KLHL32: variants seen among roughly 807,000 people sequenced by gnomAD.
KLHL32 encodes the protein kelch-like protein 32.
A neutral mutation model predicts 64.8 loss-of-function variants in KLHL32; 35 were observed. The observed-to-expected ratio is 0.54, with a 90% CI of 0.41 to 0.72. KLHL32 has a LOEUF of 0.72. KLHL32 is among the 30% of genes least tolerant of loss of function. KLHL32 has a pLI of 0.00. For missense variants in KLHL32, 589 were observed against 768.5 expected (o/e 0.77, Z 2.76); for synonymous variants, 259 against 281.0 (o/e 0.92, Z 0.78).
chr6:97,095,050 G>T (rs943648535), intron 6 of KLHL32, among the ~76,000 whole-genome samples: 20 of 152,114 alleles, frequency 1.3e-4, no homozygotes, highest in African/African-American at 4.3e-4. Context: ...CTTTTAATTT[G>T]TAATTCTACG....
chr6:96,991,113 G>C (rs1777820246), intron 3 of KLHL32, among the ~76,000 whole-genome samples: 1 of 151,812 alleles, frequency 6.6e-6, no homozygotes, highest in African/African-American at 2.4e-5. Context: ...GGCGGTTTTG[G>C]TGCTGGGAGT....
At chr6:96,911,824 C>CTTTTTTTTTTTTTTTTTTTTTTTTTTT in the KLHL32 span, among the ~76,000 whole-genome samples, 11 of 54,088 alleles carry the variant, frequency 2.0e-4, 4 homozygotes, top group Admixed American at 5.6e-4. Flanking sequence ...CTCGGTCCTT[C>CTTTTTTTTTTTTTTTTTTTTTTTTTTT]TTTTTTTTTT....
intron 1 of KLHL32, among the ~76,000 whole-genome samples, chr6:96,926,253 A>T (rs1348413123): frequency 6.6e-6 from 1 of 152,240 alleles, no homozygotes; most frequent in Non-Finnish European, 1.5e-5. Context: ...TGACCCAAGG[A>T]AATAAGTCAA....
chr6:96,985,455 C>A (rs1380343528), intron 3 of KLHL32, among the ~76,000 whole-genome samples: 4 of 152,158 alleles, frequency 2.6e-5, no homozygotes, highest in African/African-American at 7.2e-5. Context: ...TAGATCATAT[C>A]CTGCAGAGTG....
rs1772409540 is a variant in KLHL32, at chr6:96,950,232, A to G, written c.-65-16764A>G. Among the ~76,000 whole-genome samples, 3 of 143,068 alleles carry G rather than the reference A, an allele frequency of 2.1e-5. No homozygotes were observed. In the South Asian group the frequency reaches 6.3e-4, roughly 30 times the overall value. The allele number at this position is 143,068 out of a possible 152,430, so 93.9% of individuals were successfully genotyped here. A position where few individuals can be genotyped will look rare whatever the true frequency, so the allele number is the denominator to read the frequency against. On this transcript the variant is annotated intron_variant, in intron 1 of 10. Coordinates refer to ENST00000369261, the MANE Select transcript of KLHL32 (RefSeq NM_052904.4). ...GTCTGAAATTTCTACATTTGTGTTA[A>G]AAAAAAAAACCATTAGCTCTCTAAA...
chr6:97,065,079 A>G (rs1380337416), intron 5 of KLHL32, among the ~76,000 whole-genome samples: 6 of 152,198 alleles, frequency 3.9e-5, no homozygotes, highest in Non-Finnish European at 5.9e-5. Flanking sequence ...TTATGGAAAT[A>G]ATCACAAATG....
chr6:97,041,439 G>T, intron 3 of KLHL32, 53 bp from the exon 4 acceptor site: 3 of 1,193,728 alleles, frequency 2.5e-6, no homozygotes, highest in African/African-American at 1.5e-5. Context: ...ATTTTGTCTT[G>T]CTCCCTTGCT....
chr6:96,987,507 C>A (rs934428812), intron 3 of KLHL32, among the ~76,000 whole-genome samples: 4 of 152,258 alleles, frequency 2.6e-5, no homozygotes, highest in South Asian at 2.1e-4. Flanking sequence ...GAATCAATAT[C>A]ATGAAAATGG....
intron 6 of KLHL32, among the ~76,000 whole-genome samples, chr6:97,100,633 C>T (rs964832113): frequency 1.3e-5 from 2 of 152,096 alleles, no homozygotes; most frequent in Non-Finnish European, 2.9e-5. Context: ...GACATCTAAA[C>T]TCATCATAGT....
chr6:97,058,974 C>G (rs1788448256), intron 4 of KLHL32, among the ~76,000 whole-genome samples: 1 of 152,224 alleles, frequency 6.6e-6, no homozygotes, highest in Non-Finnish European at 1.5e-5. Context: ...AGGTAGACAT[C>G]ATTATTTTCA....
chr6:96,966,002 A>G (rs1774414741), intron 1 of KLHL32, among the ~76,000 whole-genome samples: 1 of 152,240 alleles, frequency 6.6e-6, no homozygotes, highest in African/African-American at 2.4e-5. Flanking sequence ...ATACCAATTG[A>G]GGGTTTGTAC....
intron 3 of KLHL32, among the ~76,000 whole-genome samples, chr6:97,031,707 A>G (rs980209389): frequency 6.6e-6 from 1 of 152,156 alleles, no homozygotes; most frequent in African/African-American, 2.4e-5. Flanking sequence ...AGTGGTGGTG[A>G]TGATTTTTAT....
At chr6:97,018,795 AC>A (rs1427585487) in intron 3 of KLHL32, among the ~76,000 whole-genome samples, 1 of 152,230 alleles carries the variant, frequency 6.6e-6, no homozygotes, top group Non-Finnish European at 1.5e-5. Context: ...CTATCAGATG[AC>A]AGTTATGAAC....
At chr6:97,103,013 T>A (rs1222839397) in intron 6 of KLHL32, among the ~76,000 whole-genome samples, 1 of 151,634 alleles carries the variant, frequency 6.6e-6, no homozygotes, top group Non-Finnish European at 1.5e-5. Flanking sequence ...CATGAAGGTA[T>A]ATTTACCTCT....
chr6:97,063,784 A>G (rs142567696), intron 4 of KLHL32, among the ~76,000 whole-genome samples: 1 of 152,318 alleles, frequency 6.6e-6, no homozygotes, highest in East Asian at 1.9e-4. Context: ...CAGAGACCAG[A>G]TTCAGGAAGC....
intron 1 of KLHL32, among the ~76,000 whole-genome samples, chr6:96,952,814 T>A (rs546161820): frequency 6.6e-6 from 1 of 152,312 alleles, no homozygotes; most frequent in South Asian, 2.1e-4. Flanking sequence ...GGTTGGTCTT[T>A]TGAGATGTTT....
At chr6:97,069,195 A>C (rs73502885) in intron 5 of KLHL32, among the ~76,000 whole-genome samples, 18,430 of 152,156 alleles carry the variant, frequency 0.12, 1,371 homozygotes, top group African/African-American at 0.21. Context: ...AGGAACATAA[A>C]GGGAACAGGA....
chr6:97,093,599 G>C (rs1794568233), intron 6 of KLHL32, among the ~76,000 whole-genome samples: 1 of 152,126 alleles, frequency 6.6e-6, no homozygotes, highest in Admixed American at 6.5e-5. Flanking sequence ...TACATTACCA[G>C]TTTTCATTTT....
chr6:96,996,034 A>C (rs753120788), intron 3 of KLHL32, among the ~76,000 whole-genome samples: 3 of 152,210 alleles, frequency 2.0e-5, no homozygotes, highest in Non-Finnish European at 4.4e-5. Flanking sequence ...GGGACAAGTC[A>C]GCCTCTTCTC....
Sources: allele counts gnomAD v4.1 joint callset (sites outside exome capture counted in the v4.1 genomes callset), GRCh38; gene constraint gnomAD v4.1.1; transcripts MANE v1.5; gene names NCBI Gene and HGNC (gene_info 2026-07-23, HGNC 2026-07-21).